The following GALNT17 variants were observed in gnomAD, a reference collection of about 807,000 sequenced individuals.
GALNT17 encodes polypeptide N-acetylgalactosaminyltransferase 17, also known as UDP-GalNAc:polypeptide N-acetylgalactosaminyltransferase-like 3.
In GALNT17, 29 loss-of-function variants were observed where a neutral mutation model predicts 63.7. That is an observed-to-expected ratio of 0.46 (90% confidence interval 0.34 to 0.62). The LOEUF (loss-of-function observed/expected upper bound fraction) is 0.62, where lower values mean the gene tolerates loss of function less well. Ranked by LOEUF, GALNT17 falls within the 20% of genes least tolerant of loss-of-function variation. The pLI is 0.01. For missense variants in GALNT17, 603 were observed against 799.6 expected (o/e 0.75, Z 2.97); for synonymous variants, 305 against 318.3 (o/e 0.96, Z 0.45).
chr7:71,488,529 C>A (rs1787950419), intron 5 of GALNT17, among the ~76,000 whole-genome samples: 1 of 151,170 alleles, frequency 6.6e-6, no homozygotes, highest in Admixed American at 6.6e-5. Flanking sequence ...ACAATCCCAG[C>A]TCCACCCCCA....
At chr7:71,514,495 T>G (rs941800452) in intron 5 of GALNT17, among the ~76,000 whole-genome samples, 3 of 152,062 alleles carry the variant, frequency 2.0e-5, no homozygotes, top group African/African-American at 7.2e-5. Flanking sequence ...GGATCTACTA[T>G]TGTAAATCTC....
chr7:71,532,328 T>G (rs901248028), intron 5 of GALNT17, among the ~76,000 whole-genome samples: 1 of 152,148 alleles, frequency 6.6e-6, no homozygotes, highest in African/African-American at 2.4e-5. Context: ...AAAATGTGTT[T>G]GGGGACTTCT....
chr7:71,592,258 C>CA (rs1562703090), intron 6 of GALNT17, among the ~76,000 whole-genome samples: 1 of 152,228 alleles, frequency 6.6e-6, no homozygotes, highest in East Asian at 1.9e-4. Context: ...AGACTGGGTC[C>CA]AGAGGAGCCA....
At chr7:71,701,889 A>ATG (rs1791652283) in intron 9 of GALNT17, among the ~76,000 whole-genome samples, 1 of 123,334 alleles carries the variant, frequency 8.1e-6, no homozygotes, top group Non-Finnish European at 1.6e-5. Context: ...ATGTATATAT[A>ATG]TATATACACA....
chr7:71,271,516 T>G (rs1188307374), intron 1 of GALNT17, among the ~76,000 whole-genome samples: 1 of 152,252 alleles, frequency 6.6e-6, no homozygotes, highest in Non-Finnish European at 1.5e-5. Flanking sequence ...TGAAAGAATC[T>G]GAGCTCACGG....
At chr7:71,493,687 G>A (rs1788048218) in intron 5 of GALNT17, among the ~76,000 whole-genome samples, 1 of 152,196 alleles carries the variant, frequency 6.6e-6, no homozygotes, top group Non-Finnish European at 1.5e-5. Flanking sequence ...ATGTGAGAAT[G>A]ATGGGAGCTT....
intron 6 of GALNT17, among the ~76,000 whole-genome samples, chr7:71,608,407 G>A (rs374671848): frequency 6.6e-6 from 1 of 152,142 alleles, no homozygotes; most frequent in Non-Finnish European, 1.5e-5. Context: ...GAGGTGTCAC[G>A]TGGACAGTCA....
intron 3 of GALNT17, among the ~76,000 whole-genome samples, chr7:71,407,433 A>G (rs1793348692): frequency 6.6e-6 from 1 of 152,148 alleles, no homozygotes; most frequent in South Asian, 2.1e-4. Context: ...TCAGACCTTC[A>G]GCAAGGTCAA....
In GALNT17 at chr7:71,598,723, G is replaced by A. The variant is rs112063472; in HGVS notation, c.1080+27321G>A. On this transcript the variant is annotated intron_variant, in intron 6 of 10. Coordinates refer to ENST00000333538, the MANE Select transcript of GALNT17 (RefSeq NM_022479.3). Reference sequence around the variant, plus strand: ...CAAACATTTATTGAGCGTCTACTAGGTGCTGGCACTCTGCCAGGCCTGGGG... The same window carrying A: ...CAAACATTTATTGAGCGTCTACTAGATGCTGGCACTCTGCCAGGCCTGGGG... Among the ~76,000 whole-genome samples, 801 of 152,294 alleles carry A rather than the reference G, an allele frequency of 5.3e-3. 6 individuals carry two copies. The highest frequency in any genetic ancestry group is 0.018 in the African/African-American group (742 of 41,566).
At chr7:71,283,533 CA>C (rs1362844688) in intron 1 of GALNT17, among the ~76,000 whole-genome samples, 1 of 152,168 alleles carries the variant, frequency 6.6e-6, no homozygotes, top group African/African-American at 2.4e-5. Flanking sequence ...GAGTCAGCAT[CA>C]GTGGACACTC....
chr7:71,431,672 A>G (rs1177757931), intron 5 of GALNT17, among the ~76,000 whole-genome samples: 2 of 151,972 alleles, frequency 1.3e-5, no homozygotes, highest in African/African-American at 4.8e-5. Context: ...CCTGGAAAAG[A>G]TTTGACTAGC....
At chr7:71,531,041 T>G (rs956002158) in intron 5 of GALNT17, among the ~76,000 whole-genome samples, 2 of 138,840 alleles carry the variant, frequency 1.4e-5, no homozygotes, top group Admixed American at 7.4e-5. Flanking sequence ...CACAACTCAC[T>G]GAATCTTTAT....
At chr7:71,491,935 C>G (rs189760879) in intron 5 of GALNT17, among the ~76,000 whole-genome samples, 24 of 152,182 alleles carry the variant, frequency 1.6e-4, no homozygotes, top group African/African-American at 5.5e-4. Context: ...GTGGGAGGAT[C>G]GCTTGAGCCC....
intron 1 of GALNT17, among the ~76,000 whole-genome samples, chr7:71,146,400 A>G (rs1425722212): frequency 6.6e-6 from 1 of 152,140 alleles, no homozygotes; most frequent in African/African-American, 2.4e-5. Context: ...TCCTTAAGGG[A>G]CAAGAGATGG....
intron 1 of GALNT17, among the ~76,000 whole-genome samples, chr7:71,145,004 A>G (rs1174424788): frequency 6.6e-6 from 1 of 152,146 alleles, no homozygotes; most frequent in Non-Finnish European, 1.5e-5. Context: ...CTGGGAATAC[A>G]GGTGTGAGCC....
At chr7:71,550,541 C>T (rs1281186766) in intron 5 of GALNT17, among the ~76,000 whole-genome samples, 1 of 152,064 alleles carries the variant, frequency 6.6e-6, no homozygotes, top group Non-Finnish European at 1.5e-5. Flanking sequence ...CCACTATGCC[C>T]AGCTAATTTT....
intron 1 of GALNT17, among the ~76,000 whole-genome samples, chr7:71,243,566 T>G (rs899790027): frequency 2.6e-5 from 4 of 152,072 alleles, no homozygotes; most frequent in Admixed American, 2.0e-4. Context: ...CTCTTTTCTT[T>G]TCTTGTCTTT....
At chr7:71,571,543 A>G in intron 6 of GALNT17, 141 bp downstream of exon 6, 3 of 712,994 alleles carry the variant, frequency 4.2e-6, no homozygotes, top group East Asian at 2.8e-5. Flanking sequence ...TGGGGGATGC[A>G]TGAGCTGCAC....
intron 1 of GALNT17, among the ~76,000 whole-genome samples, chr7:71,215,340 C>T (rs773854979): frequency 6.6e-6 from 1 of 151,862 alleles, no homozygotes; most frequent in South Asian, 2.1e-4. Flanking sequence ...AGTGGAGGAG[C>T]CTGTTTTGTC....
Sources: allele counts gnomAD v4.1 joint callset (sites outside exome capture counted in the v4.1 genomes callset), GRCh38; gene constraint gnomAD v4.1.1; transcripts MANE v1.5; gene names NCBI Gene and HGNC (gene_info 2026-07-23, HGNC 2026-07-21).